HACL1: variants seen among roughly 807,000 people sequenced by gnomAD.
HACL1 encodes 1600020H07Rik.
A neutral mutation model predicts 74.2 loss-of-function variants in HACL1; 64 were observed. The ratio of observed to expected loss-of-function variants is 0.86; its 90% CI spans 0.70 to 1.06. The LOEUF (loss-of-function observed/expected upper bound fraction) is 1.06. HACL1 is among the 50% of genes least tolerant of loss of function. The pLI is 0.00. For synonymous variants in HACL1, 230 were observed against 238.8 expected (o/e 0.96, Z 0.34); for missense variants, 728 against 719.7 (o/e 1.01, Z -0.13).
chr3:15,564,718 T>C, intron 14 of HACL1, 60 bp from the exon 15 acceptor site: 1 of 717,044 alleles, frequency 1.4e-6, no homozygotes, highest in South Asian at 1.9e-5. Flanking sequence ...TTTCTTTTCT[T>C]TGGGTTGAAA....
intron 11 of HACL1, 111 bp from the exon 12 acceptor site, chr3:15,571,880 C>T (rs1574915289): frequency 1.9e-6 from 1 of 540,514 alleles, no homozygotes; most frequent in East Asian, 3.4e-5. Flanking sequence ...CGTTCTGTCA[C>T]CCAGGCTGGA....
chr3:15,564,608 T>C lies in HACL1; in HGVS notation c.1460A>G (p.Gln487Arg), dbSNP rs1253003261. 1.9e-6 allele frequency: 3 copies of C among 1,582,166 alleles called. No homozygotes were observed. The highest frequency in any genetic ancestry group is 2.6e-6 in the Non-Finnish European group (3 of 1,153,430). The change falls in exon 15 of 17, where the codon CAA (glutamine) becomes CGA (arginine). Residue 487 changes from glutamine to arginine, a missense_variant. Gln to Arg is a conservative substitution (Grantham distance 43). Transcript: ENST00000321169. Reference protein sequence around the residue: ...LLVVNNNGIYQGFDTDTWKEM... With the variant: ...LLVVNNNGIYRGFDTDTWKEM... The stretch of plus-strand genomic sequence containing the variant: ...TTTCCAAGTATCTGTATCAAAACCT[T>C]GGTAAATTCCATTGTTATTCACTAC...
chr3:15,563,366 T>C lies in HACL1; in HGVS notation c.1696A>G (p.Lys566Glu). 1 of 1,611,900 alleles carries C rather than the reference T, an allele frequency of 6.2e-7. No individual in the cohort carries two copies. Among genetic ancestry groups the C allele is most frequent in the East Asian group, 2.2e-5 (1 of 44,876 alleles). Residue 566 changes from lysine (K) to glutamate (E), a missense_variant, in exon 16 of 17, where the codon AAG (lysine) becomes GAG (glutamate). Transcript: ENST00000321169. ...TTAGCAACTGTATTTACCTGGGCCTTCCGTGTGGCTTGTGGCTCAATCATG... is the reference window on the plus strand; with the variant it reads ...TTAGCAACTGTATTTACCTGGGCCTCCCGTGTGGCTTGTGGCTCAATCATG... Reference protein sequence around the residue: ...NIMIEPQATRKAQDFHWLTRS... With the variant: ...NIMIEPQATREAQDFHWLTRS...
At chr3:15,580,862 G>C (rs2063706120) in intron 8 of HACL1, among the ~76,000 whole-genome samples, 1 of 152,202 alleles carries the variant, frequency 6.6e-6, no homozygotes, top group Non-Finnish European at 1.5e-5. Context: ...CTGTAATTCT[G>C]TGATTGTAAC....
At chr3:15,592,328 A>C (rs1474063732) in intron 3 of HACL1, among the ~76,000 whole-genome samples, 1 of 145,392 alleles carries the variant, frequency 6.9e-6, no homozygotes, top group African/African-American at 2.8e-5. Context: ...ATATGTATAT[A>C]TACTCTGGGC....
intron 8 of HACL1, among the ~76,000 whole-genome samples, chr3:15,580,944 C>A (rs2063707401): frequency 6.6e-6 from 1 of 152,264 alleles, no homozygotes; most frequent in South Asian, 2.1e-4. Flanking sequence ...TCTTGTCACC[C>A]AGGCTGGAGC....
At chr3:15,596,717 TTTTC>T (rs1358203810) in intron 2 of HACL1, among the ~76,000 whole-genome samples, 3 of 152,186 alleles carry the variant, frequency 2.0e-5, no homozygotes, top group Non-Finnish European at 2.9e-5. Flanking sequence ...TGGTAATTTG[TTTTC>T]TTTCTTTTAT....
chr3:15,576,266 T>C (rs1186471391), intron 9 of HACL1, among the ~76,000 whole-genome samples: 2 of 151,968 alleles, frequency 1.3e-5, no homozygotes, highest in Non-Finnish European at 2.9e-5. Flanking sequence ...TTTAATGTTT[T>C]CTCAATTGCT....
Position 15,600,756 on chromosome 3 carries a change from C to G in HACL1, c.186+334G>C, listed in dbSNP as rs1049269712. 9 of 332,318 alleles carry G rather than the reference C, an allele frequency of 2.7e-5. No homozygotes were observed. In the East Asian group the frequency reaches 4.6e-4, roughly 17 times the overall value. The allele number at this position is 332,318 out of a possible 1,614,324, so 20.6% of individuals were successfully genotyped here. A position where few individuals can be genotyped will look rare whatever the true frequency, so the allele number is the denominator to read the frequency against. On this transcript the variant is annotated intron_variant, in intron 2 of 16. Coordinates refer to ENST00000321169, the MANE Select transcript of HACL1 (RefSeq NM_012260.4). ...ATCCCTGCTCTAATGGAGCTTGTAG[C>G]CTAATAGGGAAGTCAGACTTTACTC...
At chr3:15,571,153 T>C (rs960395121) in intron 12 of HACL1, among the ~76,000 whole-genome samples, 2 of 151,924 alleles carry the variant, frequency 1.3e-5, no homozygotes, top group African/African-American at 2.4e-5. Flanking sequence ...TTTTCTTTTT[T>C]TTTTTGTAGA....
chr3:15,593,679 GA>G (rs1290293810), intron 3 of HACL1, among the ~76,000 whole-genome samples: 1 of 150,640 alleles, frequency 6.6e-6, no homozygotes, highest in Non-Finnish European at 1.5e-5. Flanking sequence ...ATTTTTGTAT[GA>G]AAAAAGGTTT....
intron 9 of HACL1, among the ~76,000 whole-genome samples, chr3:15,575,548 T>TA (rs2063610207): frequency 6.6e-6 from 1 of 151,976 alleles, no homozygotes; most frequent in South Asian, 2.1e-4. Flanking sequence ...ACACTTTTTT[T>TA]ATTTTGTTTT....
chr3:15,592,237 C>T (rs913103888), intron 3 of HACL1, among the ~76,000 whole-genome samples: 2 of 141,108 alleles, frequency 1.4e-5, no homozygotes, highest in Non-Finnish European at 3.0e-5. Context: ...TACGTATATA[C>T]GTATACATAC....
chr3:15,564,708 T>C, intron 14 of HACL1, 50 bp from the exon 15 acceptor site: 1 of 759,698 alleles, frequency 1.3e-6, no homozygotes, highest in Non-Finnish European at 2.2e-6. Flanking sequence ...TTTAAAGTAA[T>C]TTCTTTTCTT....
Position 15,568,693 on chromosome 3 carries a change from G to A in HACL1, c.1096-107C>T, listed in dbSNP as rs147975662. 238 of 690,482 alleles carry A rather than the reference G, an allele frequency of 3.4e-4. 3 individuals are homozygous for A. In the East Asian group the frequency reaches 5.4e-3, roughly 16 times the overall value. 42.8% of individuals were successfully genotyped at this position (690,482 alleles called of 1,614,324 possible). A position where few individuals can be genotyped will look rare whatever the true frequency, so the allele number is the denominator to read the frequency against. On this transcript the variant is annotated intron_variant, in intron 12 of 16. Transcript: ENST00000321169. Reference sequence around the variant, plus strand: ...ATTTGGAAATACGCAACAACTACAAGCTACAAGGTTTCCAAATGGCTATAA... The same window carrying A: ...ATTTGGAAATACGCAACAACTACAAACTACAAGGTTTCCAAATGGCTATAA...
chr3:15,593,100 T>C lies in HACL1; in HGVS notation c.228-1420A>G, dbSNP rs1472063367. Among the ~76,000 whole-genome samples, 25 of 147,074 alleles carry C rather than the reference T, an allele frequency of 1.7e-4. 2 individuals carry two copies. The highest frequency in any genetic ancestry group is 1.7e-3 in the Admixed American group (25 of 14,822). On this transcript the variant is annotated intron_variant, in intron 3 of 16. Coordinates refer to ENST00000321169, the MANE Select transcript of HACL1 (RefSeq NM_012260.4). Reference sequence around the variant, plus strand: ...GTATATATACACACACATATACATATATGTGTGTGTATATATACACACACA... The same window carrying C: ...GTATATATACACACACATATACATACATGTGTGTGTATATATACACACACA...
chr3:15,585,222 A>C (rs532929790), intron 7 of HACL1, 26 bp downstream of exon 7: 1 of 1,112,048 alleles, frequency 9.0e-7, no homozygotes, highest in African/African-American at 1.5e-5. Context: ...CATTGAAGAA[A>C]GAATTCCAGC....
rs1198941735 is a variant in HACL1, at chr3:15,589,693, C to A, written c.309-81G>T. ...ACTAAACACAGTGTCTAATTCACAACAAATAATAAATGTTAAAGGGAGAGA... is the reference window on the plus strand; with the variant it reads ...ACTAAACACAGTGTCTAATTCACAAAAAATAATAAATGTTAAAGGGAGAGA... On this transcript the variant is annotated intron_variant, in intron 4 of 16. Coordinates refer to ENST00000321169, the MANE Select transcript of HACL1 (RefSeq NM_012260.4). The A allele has an allele frequency of 1.2e-5, 10 of 858,044 alleles. No individual in the cohort carries two copies. The East Asian group carries it at 2.4e-4, about 21-fold the overall frequency. 53.2% of individuals were successfully genotyped at this position (858,044 alleles called of 1,614,324 possible). A position where few individuals can be genotyped will look rare whatever the true frequency, so the allele number is the denominator to read the frequency against.
At position 15,576,885 on chromosome 3, in the gene HACL1, G is replaced by A. The variant is rs570470152; in HGVS notation, c.804-1803C>T. Among the ~76,000 whole-genome samples, 4 of 152,164 alleles carry A rather than the reference G, an allele frequency of 2.6e-5. No individual in the cohort carries two copies. In the East Asian group the frequency reaches 7.7e-4, roughly 29 times the overall value. ...CTTTAATATTGTATTAGTCCTATGA[G>A]ACCCAATTTAACAAACAGATAACTG... On this transcript the variant is annotated intron_variant, in intron 9 of 16. Transcript: ENST00000321169.
Sources: gnomAD v4.1 joint callset for allele counts (sites outside exome capture counted in the v4.1 genomes callset) on GRCh38, gnomAD v4.1.1 for gene constraint, MANE v1.5 for transcripts, NCBI Gene and HGNC (gene_info 2026-07-23, HGNC 2026-07-21) for gene names.